The following BEND7 variants were observed in gnomAD, a reference collection of about 807,000 sequenced individuals.
The protein encoded by BEND7 is BEN domain containing 7.
A neutral mutation model predicts 50.9 loss-of-function variants in BEND7; 28 were observed. That is an observed-to-expected ratio of 0.55 (90% CI 0.41 to 0.75). The LOEUF (loss-of-function observed/expected upper bound fraction) is 0.75, where lower values mean the gene tolerates loss of function less well. Ranked by LOEUF, BEND7 falls within the 30% of genes least tolerant of loss-of-function variation. The probability of loss-of-function intolerance (pLI) is 0.00; values close to 1 mark genes in which losing one functional copy is unlikely to be tolerated. For missense variants in BEND7, 477 were observed against 491.3 expected, an observed-to-expected ratio of 0.97 and a Z score of 0.28; for synonymous variants, 170 against 183.9, an observed-to-expected ratio of 0.92 and a Z score of 0.61.
chr10:13,479,299 G>A (rs529935703), intron 6 of BEND7, among the ~76,000 whole-genome samples: 3 of 152,194 alleles, frequency 2.0e-5, no homozygotes, highest in South Asian at 4.2e-4. Flanking sequence ...TTGAGCCACC[G>A]CGCCTGGCCT....
At chr10:13,490,447 G>A (rs9329341) in intron 5 of BEND7, among the ~76,000 whole-genome samples, 77,358 of 151,980 alleles carry the variant, frequency 0.51, 20,045 homozygotes, top group Non-Finnish European at 0.55. Flanking sequence ...ATGGGAATCC[G>A]GGGCTCACTT....
chr10:13,446,170 T>C (rs139948494), intron 8 of BEND7: 3 of 152,362 alleles, frequency 2.0e-5, no homozygotes, highest in East Asian at 3.9e-4. Context: ...TGTAGCTCAT[T>C]TGATTTATCT....
chr10:13,451,935 T>C (rs1837843806), intron 7 of BEND7, among the ~76,000 whole-genome samples: 1 of 152,120 alleles, frequency 6.6e-6, no homozygotes, highest in Admixed American at 6.5e-5. Flanking sequence ...TGGCCCCCAC[T>C]GTCACTTTGG....
chr10:13,483,794 G>A (rs1216042402), intron 5 of BEND7, among the ~76,000 whole-genome samples: 1 of 152,202 alleles, frequency 6.6e-6, no homozygotes, highest in Non-Finnish European at 1.5e-5. Flanking sequence ...AGTGCTGTCT[G>A]AGACAGCATC....
chr10:13,452,999 G>C (rs1838112692), intron 6 of BEND7, among the ~76,000 whole-genome samples: 1 of 152,204 alleles, frequency 6.6e-6, no homozygotes, highest in African/African-American at 2.4e-5. Flanking sequence ...ACAAGGTTTA[G>C]CAAACGTATT....
chr10:13,467,201 C>T (rs2074339930), intron 6 of BEND7, among the ~76,000 whole-genome samples: 1 of 152,188 alleles, frequency 6.6e-6, no homozygotes, highest in Non-Finnish European at 1.5e-5. Context: ...CATTCTGAGG[C>T]TGACAGGAGT....
At chr10:13,486,366 T>C (rs985750031) in intron 5 of BEND7, among the ~76,000 whole-genome samples, 1 of 152,086 alleles carries the variant, frequency 6.6e-6, no homozygotes, top group African/African-American at 2.4e-5. Flanking sequence ...ATATAGCCCA[T>C]GAGGAGGGTA....
At chr10:13,465,084 T>G (rs1342195086) in intron 6 of BEND7, among the ~76,000 whole-genome samples, 1 of 152,214 alleles carries the variant, frequency 6.6e-6, no homozygotes, top group African/African-American at 2.4e-5. Flanking sequence ...AGATCACGTC[T>G]TCCATTCACT....
downstream of BEND7, among the ~76,000 whole-genome samples, chr10:13,439,909 C>T (rs116125238): frequency 9.4e-3 from 1,437 of 152,340 alleles, 16 homozygotes; most frequent in African/African-American, 0.033. Flanking sequence ...GACTTGGCCC[C>T]GCCTCCCCTC....
intron 6 of BEND7, among the ~76,000 whole-genome samples, chr10:13,460,242 C>T (rs537006835): frequency 2.9e-4 from 44 of 152,188 alleles, no homozygotes; most frequent in African/African-American, 1.0e-3. Context: ...GAGGCAGGGA[C>T]CAGAGACACA....
At chr10:13,449,421 C>T (rs577297795) in intron 7 of BEND7, among the ~76,000 whole-genome samples, 62 of 152,172 alleles carry the variant, frequency 4.1e-4, no homozygotes, top group Non-Finnish European at 3.4e-4. Flanking sequence ...TGTTGCTCTG[C>T]CCATCTTAAC....
At chr10:13,509,988 G>A (rs1401171235) in intron 2 of BEND7, among the ~76,000 whole-genome samples, 2 of 152,170 alleles carry the variant, frequency 1.3e-5, no homozygotes, top group Non-Finnish European at 2.9e-5. Context: ...AATCAATATA[G>A]CATGGCTGTC....
At chr10:13,474,242 G>A (rs1203794147) in intron 6 of BEND7, among the ~76,000 whole-genome samples, 1 of 152,166 alleles carries the variant, frequency 6.6e-6, no homozygotes, top group Non-Finnish European at 1.5e-5. Context: ...GTTAGACTCG[G>A]GGTCGACACC....
At chr10:13,475,814 G>A (rs775580661) in intron 6 of BEND7, among the ~76,000 whole-genome samples, 13 of 152,152 alleles carry the variant, frequency 8.5e-5, no homozygotes, top group Non-Finnish European at 1.8e-4. Context: ...AAATGGCTTT[G>A]GAGTCAGACA....
At chr10:13,440,466 T>C (rs1445661271), downstream of BEND7, among the ~76,000 whole-genome samples, 1 of 152,194 alleles carries the variant, frequency 6.6e-6, no homozygotes, top group African/African-American at 2.4e-5. Flanking sequence ...CAGCAGCTCC[T>C]GCCCCTACCC....
intron 1 of BEND7, chr10:13,527,717 T>G (rs551399471): frequency 2.3e-6 from 1 of 439,144 alleles, no homozygotes. Flanking sequence ...TCTTGAGTTA[T>G]CATTTTTTTA....
At chr10:13,483,190 C>A (rs150574389) in intron 5 of BEND7, among the ~76,000 whole-genome samples, 1 of 152,258 alleles carries the variant, frequency 6.6e-6, no homozygotes, top group East Asian at 1.9e-4. Context: ...CAGTTTGATT[C>A]TGATACCATT....
chr10:13,478,151 C>T (rs140023196), intron 6 of BEND7, among the ~76,000 whole-genome samples: 4 of 152,148 alleles, frequency 2.6e-5, no homozygotes, highest in Admixed American at 6.5e-5. Context: ...CTCAGAAGAA[C>T]AGGTGACAGC....
At chr10:13,488,565 G>A (rs903880211) in intron 5 of BEND7, among the ~76,000 whole-genome samples, 1 of 152,146 alleles carries the variant, frequency 6.6e-6, no homozygotes, top group Non-Finnish European at 1.5e-5. Context: ...TCAGCTCACT[G>A]CAATCTTCGA....
Sources: allele counts gnomAD v4.1 joint callset (sites outside exome capture counted in the v4.1 genomes callset), GRCh38; gene constraint gnomAD v4.1.1; transcripts MANE v1.5; gene names NCBI Gene and HGNC (gene_info 2026-07-23, HGNC 2026-07-21).